Variants in RNLS observed in about 807,000 individuals in gnomAD.
RNLS encodes the protein renalase.
Under a neutral mutation model 39.8 loss-of-function variants are expected in RNLS, and 39 were observed. That is an observed-to-expected ratio of 0.98 (90% CI 0.76 to 1.28). RNLS has a LOEUF of 1.28. Ranked by LOEUF, RNLS falls within the 50% of genes most tolerant of loss-of-function variation. The pLI, the probability that RNLS is intolerant of heterozygous loss-of-function variation, is 0.00. For synonymous variants in RNLS, 147 were observed against 150.7 expected, an observed-to-expected ratio of 0.98 and a Z score of 0.18; for missense variants, 410 against 413.3, an observed-to-expected ratio of 0.99 and a Z score of 0.07.
intron 5 of RNLS, among the ~76,000 whole-genome samples, chr10:88,340,765 G>A (rs1229261310): frequency 2.0e-5 from 3 of 152,090 alleles, no homozygotes; most frequent in Non-Finnish European, 4.4e-5. Flanking sequence ...CCTGTAGAAT[G>A]TAAGTACAAG....
chr10:88,552,963 C>T (rs1413133378), intron 4 of RNLS, among the ~76,000 whole-genome samples: 1 of 152,054 alleles, frequency 6.6e-6, no homozygotes, highest in African/African-American at 2.4e-5. Flanking sequence ...AATAAAACCT[C>T]GGTAATTTGA....
chr10:88,182,323 C>T, the RNLS span, among the ~76,000 whole-genome samples: 1 of 152,098 alleles, frequency 6.6e-6, no homozygotes, highest in Non-Finnish European at 1.5e-5. Flanking sequence ...TCTCATCTTT[C>T]ATGTTTAGAA....
intron 4 of RNLS, among the ~76,000 whole-genome samples, chr10:88,425,928 T>C (rs1464246232): frequency 6.6e-6 from 1 of 151,892 alleles, no homozygotes; most frequent in Non-Finnish European, 1.5e-5. Flanking sequence ...GTGGCAGGAA[T>C]GATAAAATTA....
At chr10:88,420,112 A>G (rs1854314232) in intron 4 of RNLS, among the ~76,000 whole-genome samples, 1 of 151,790 alleles carries the variant, frequency 6.6e-6, no homozygotes, top group Non-Finnish European at 1.5e-5. Context: ...TAGAGTCAGA[A>G]GGTCCAATCT....
intron 4 of RNLS, among the ~76,000 whole-genome samples, chr10:88,563,372 G>A (rs1050151155): frequency 1.3e-5 from 2 of 152,120 alleles, no homozygotes; most frequent in Non-Finnish European, 2.9e-5. Context: ...GCCACACTTT[G>A]TTATACTGTA....
At chr10:88,412,468 T>C (rs1673648130) in intron 4 of RNLS, among the ~76,000 whole-genome samples, 1 of 152,104 alleles carries the variant, frequency 6.6e-6, no homozygotes, top group South Asian at 2.1e-4. Context: ...CCAAACTCAG[T>C]TGATAAATGT....
chr10:88,496,469 C>T (rs1196539113), intron 4 of RNLS, among the ~76,000 whole-genome samples: 4 of 152,136 alleles, frequency 2.6e-5, no homozygotes, highest in African/African-American at 9.7e-5. Context: ...AAAAACTAGC[C>T]TGGTTAACTT....
intron 4 of RNLS, among the ~76,000 whole-genome samples, chr10:88,454,591 G>A (rs1236280833): frequency 6.6e-6 from 1 of 152,152 alleles, no homozygotes; most frequent in Non-Finnish European, 1.5e-5. Flanking sequence ...CCTCCAACAA[G>A]GTCAACTCCT....
Position 88,284,829 on chromosome 10 carries a change from T to C in RNLS, c.*525A>G, listed in dbSNP as rs184191103. ...AGATGATGACATATATGACCTACAA[T>C]TCAGGATCACTTAATAACTTGGGGG... On this transcript the variant is annotated 3_prime_UTR_variant, in exon 7 of 7. Coordinates refer to ENST00000331772, the MANE Select transcript of RNLS (RefSeq NM_001031709.3). The C allele has an allele frequency of 2.5e-5, 25 of 985,388 alleles. No homozygotes were observed. The East Asian group carries it at 2.2e-3, about 85-fold the overall frequency. 61.0% of individuals were successfully genotyped at this position (985,388 alleles called of 1,614,324 possible). A position where few individuals can be genotyped will look rare whatever the true frequency, so the allele number is the denominator to read the frequency against.
chr10:88,222,050 A>G, the RNLS span, among the ~76,000 whole-genome samples: 3 of 152,150 alleles, frequency 2.0e-5, no homozygotes, highest in African/African-American at 7.2e-5. Flanking sequence ...TAAGTATTTT[A>G]CCACTCAGCT....
At chr10:88,178,157 T>G in the RNLS span, among the ~76,000 whole-genome samples, 1 of 152,172 alleles carries the variant, frequency 6.6e-6, no homozygotes, top group Non-Finnish European at 1.5e-5. Flanking sequence ...ACTTGGGTGC[T>G]GGGTTCTCAG....
intron 3 of RNLS, among the ~76,000 whole-genome samples, chr10:88,580,975 C>T (rs989276668): frequency 6.6e-6 from 1 of 151,930 alleles, no homozygotes; most frequent in Non-Finnish European, 1.5e-5. Flanking sequence ...GGAATTGATC[C>T]TAAATAAAGA....
At chr10:88,310,917 T>C (rs1283775064) in intron 6 of RNLS, among the ~76,000 whole-genome samples, 1 of 151,756 alleles carries the variant, frequency 6.6e-6, no homozygotes, top group Non-Finnish European at 1.5e-5. Flanking sequence ...AACTGATTTC[T>C]AATTGTACTG....
the RNLS span, among the ~76,000 whole-genome samples, chr10:88,267,445 G>A: frequency 1.9e-3 from 292 of 152,208 alleles, no homozygotes; most frequent in African/African-American, 6.4e-3. Flanking sequence ...GTATGGTGGC[G>A]CAAATCTATA....
At chr10:88,403,192 A>G (rs938309426) in intron 4 of RNLS, among the ~76,000 whole-genome samples, 1 of 152,102 alleles carries the variant, frequency 6.6e-6, no homozygotes, top group African/African-American at 2.4e-5. Context: ...CCTGTAGAAT[A>G]AAAGAGATTT....
chr10:88,188,870 A>T, the RNLS span, among the ~76,000 whole-genome samples: 1 of 152,148 alleles, frequency 6.6e-6, no homozygotes, highest in Admixed American at 6.5e-5. Context: ...GTCTCTTCTT[A>T]ATTGCTCTTT....
At chr10:88,175,183 G>A in the RNLS span, among the ~76,000 whole-genome samples, 5 of 151,734 alleles carry the variant, frequency 3.3e-5, no homozygotes, top group South Asian at 6.2e-4. Context: ...TGTGGATTTT[G>A]TTTATTTTTT....
downstream of RNLS, among the ~76,000 whole-genome samples, chr10:88,282,048 T>G (rs760212751): frequency 1.3e-5 from 2 of 152,088 alleles, no homozygotes; most frequent in Non-Finnish European, 2.9e-5. Flanking sequence ...TCAGTGTCAT[T>G]AGCATGCAGC....
Position 88,385,819 on chromosome 10 carries a change from G to A in RNLS, c.527-23094C>T, listed in dbSNP as rs185125194. ...CCTGGTGGTTGGGGGTAGGGGAGAA[G>A]AGAAGTTACAGGCAGAAAAAAAGGA... On this transcript the variant is annotated intron_variant, in intron 4 of 6. Transcript: ENST00000331772. Among the ~76,000 whole-genome samples the A allele has an allele frequency of 4.8e-3, 730 of 152,290 alleles. 7 individuals carry two copies. Among genetic ancestry groups the A allele is most frequent in the African/African-American group, 0.016 (682 of 41,566 alleles).
Sources: allele counts gnomAD v4.1 joint callset (sites outside exome capture counted in the v4.1 genomes callset), GRCh38; gene constraint gnomAD v4.1.1; transcripts MANE v1.5; gene names NCBI Gene and HGNC (gene_info 2026-07-23, HGNC 2026-07-21).